The following ZPBP variants were observed in gnomAD, a reference collection of about 807,000 sequenced individuals.
The protein encoded by ZPBP is zona pellucida binding protein.
In ZPBP, 26 loss-of-function variants were observed where a neutral mutation model predicts 44.8. The ratio of observed to expected loss-of-function variants is 0.58; its 90% CI spans 0.43 to 0.81. ZPBP has a LOEUF of 0.81. ZPBP is among the 30% of genes least tolerant of loss of function. The pLI is 0.00. For synonymous variants in ZPBP, 174 were observed against 153.2 expected (o/e 1.14, Z -1.00); for missense variants, 409 against 434.0 (o/e 0.94, Z 0.51).
chr7:49,971,109 A>G (rs995665505), intron 7 of ZPBP, among the ~76,000 whole-genome samples: 2 of 152,060 alleles, frequency 1.3e-5, no homozygotes, highest in African/African-American at 4.8e-5. Flanking sequence ...AAATGCAAAC[A>G]CAACATACAA....
At chr7:49,947,041 C>A (rs1022078475) in intron 7 of ZPBP, among the ~76,000 whole-genome samples, 1 of 152,024 alleles carries the variant, frequency 6.6e-6, no homozygotes, top group Non-Finnish European at 1.5e-5. Context: ...CTGCTTGATG[C>A]TTTTTAATTA....
intron 7 of ZPBP, among the ~76,000 whole-genome samples, chr7:49,981,349 A>G (rs367853209): frequency 2.8e-5 from 1 of 36,060 alleles, no homozygotes; most frequent in South Asian, 8.7e-4. Context: ...TATATTATAT[A>G]ATATATATTA....
chr7:49,886,075 G>A (rs1791893336), intron 2 of ZPBP, among the ~76,000 whole-genome samples: 1 of 152,246 alleles, frequency 6.6e-6, no homozygotes, highest in African/African-American at 2.4e-5. Context: ...AGATAGGGGA[G>A]AGGTCCAGAC....
At chr7:50,038,935 C>T (rs189224287) in intron 4 of ZPBP, among the ~76,000 whole-genome samples, 4 of 152,076 alleles carry the variant, frequency 2.6e-5, no homozygotes, top group Admixed American at 6.6e-5. Flanking sequence ...AACTCTATGA[C>T]GTTCACAAAA....
rs758165269 is a variant in ZPBP at position 49,937,546 on chromosome 7, T to C, written c.1038A>G (p.Gly346=). 8 of 1,613,798 alleles carry C rather than the reference T, an allele frequency of 5.0e-6. No homozygotes were observed. The East Asian group carries it at 1.6e-4, about 31-fold the overall frequency. The change falls in exon 8 of 8, where the codon GGA becomes GGG. Residue 346 remains glycine, a synonymous_variant. Transcript: ENST00000046087. Reference sequence around the variant, plus strand: ...TAATGGCTTATAAGCACGTTTTTGCTCCATACACCAGGCTGCTATTGCATT... The same window carrying C: ...TAATGGCTTATAAGCACGTTTTTGCCCCATACACCAGGCTGCTATTGCATT... ...CLQCNSSLVY[G]AKTCL
chr7:50,000,808 CA>C (rs1393947934), intron 6 of ZPBP, among the ~76,000 whole-genome samples: 3 of 152,050 alleles, frequency 2.0e-5, no homozygotes, highest in Admixed American at 1.3e-4. Context: ...ATGCCCCCAC[CA>C]CCACATTCAT....
At chr7:49,982,719 A>T (rs1976043) in intron 7 of ZPBP, among the ~76,000 whole-genome samples, 1,699 of 152,022 alleles carry the variant, frequency 0.011, 18 homozygotes, top group Non-Finnish European at 0.02. Flanking sequence ...ATATTAGTAT[A>T]AATTGTTAAA....
At chr7:49,898,590 A>G (rs1312625799) in intron 2 of ZPBP, among the ~76,000 whole-genome samples, 3 of 152,086 alleles carry the variant, frequency 2.0e-5, no homozygotes, top group Non-Finnish European at 4.4e-5. Context: ...ACACACACAC[A>G]TATCATAAGC....
chr7:50,045,490 T>C (rs1044418125), intron 4 of ZPBP, among the ~76,000 whole-genome samples: 18 of 152,144 alleles, frequency 1.2e-4, no homozygotes, highest in African/African-American at 4.3e-4. Context: ...ATCACAAGCA[T>C]TCCTATACAC....
intron 3 of ZPBP, among the ~76,000 whole-genome samples, chr7:50,067,237 G>T (rs1212432733): frequency 1.3e-5 from 2 of 151,640 alleles, no homozygotes; most frequent in Non-Finnish European, 2.9e-5. Context: ...GCTTTTTGGT[G>T]CCCCTTGCAG....
chr7:50,026,588 G>T (rs1799346102), intron 5 of ZPBP, among the ~76,000 whole-genome samples: 1 of 151,860 alleles, frequency 6.6e-6, no homozygotes, highest in South Asian at 2.1e-4. Flanking sequence ...CATAATCTGA[G>T]AAACAAAAAT....
intron 3 of ZPBP, among the ~76,000 whole-genome samples, chr7:50,080,065 C>T (rs1802285179): frequency 6.6e-6 from 1 of 151,660 alleles, no homozygotes. Context: ...CACATAATTA[C>T]ATGATTTATT....
chr7:49,897,281 A>G (rs1378612393), intron 2 of ZPBP, among the ~76,000 whole-genome samples: 1 of 152,226 alleles, frequency 6.6e-6, no homozygotes, highest in Non-Finnish European at 1.5e-5. Context: ...ATCTCATCCA[A>G]TAATTTCCCA....
At chr7:49,967,035 C>T (rs1262356458) in intron 7 of ZPBP, among the ~76,000 whole-genome samples, 1 of 152,062 alleles carries the variant, frequency 6.6e-6, no homozygotes, top group Non-Finnish European at 1.5e-5. Flanking sequence ...TGGCCTCAAG[C>T]TTGTGCTCTT....
chr7:49,942,054 T>C (rs1794909117), intron 7 of ZPBP, among the ~76,000 whole-genome samples: 1 of 152,046 alleles, frequency 6.6e-6, no homozygotes, highest in Non-Finnish European at 1.5e-5. Flanking sequence ...AAACTGGATA[T>C]ACACAGACAA....
At chr7:50,044,580 A>T (rs532982582) in intron 4 of ZPBP, among the ~76,000 whole-genome samples, 1 of 152,326 alleles carries the variant, frequency 6.6e-6, no homozygotes, top group African/African-American at 2.4e-5. Flanking sequence ...GAAATGGATA[A>T]ATTCCTGGAC....
intron 7 of ZPBP, among the ~76,000 whole-genome samples, chr7:49,967,108 A>G (rs902966264): frequency 6.6e-6 from 1 of 152,190 alleles, no homozygotes; most frequent in Non-Finnish European, 1.5e-5. Flanking sequence ...TGATCCAGCC[A>G]TAGTAATACT....
chr7:49,954,137 G>A (rs1000430582), intron 7 of ZPBP, among the ~76,000 whole-genome samples: 4 of 152,010 alleles, frequency 2.6e-5, no homozygotes, highest in South Asian at 2.1e-4. Flanking sequence ...AGAAATAAGC[G>A]CATATATCCA....
At chr7:50,045,101 C>A (rs183560811) in intron 4 of ZPBP, among the ~76,000 whole-genome samples, 10 of 152,124 alleles carry the variant, frequency 6.6e-5, no homozygotes, top group Non-Finnish European at 1.3e-4. Context: ...ATACAACACC[C>A]CTTTATGCTA....
Sources: allele counts gnomAD v4.1 joint callset (sites outside exome capture counted in the v4.1 genomes callset), GRCh38; gene constraint gnomAD v4.1.1; transcripts MANE v1.5; gene names NCBI Gene and HGNC (gene_info 2026-07-23, HGNC 2026-07-21).